Variants in NTN1 observed in about 807,000 individuals in gnomAD.
NTN1 encodes netrin 1.
NTN1 carries 11 observed loss-of-function variants against 54.2 expected under a neutral mutation model. The ratio of observed to expected loss-of-function variants is 0.20; its 90% CI spans 0.13 to 0.34. NTN1 has a LOEUF of 0.34. Ranked by LOEUF, NTN1 falls within the 10% of genes least tolerant of loss-of-function variation. The pLI is 1.00. For missense variants in NTN1, 740 were observed against 893.1 expected (o/e 0.83, Z 2.18); for synonymous variants, 371 against 382.0 (o/e 0.97, Z 0.33).
chr17:9,036,015 CTA>C (rs1256368858), intron 2 of NTN1, among the ~76,000 whole-genome samples: 1 of 146,450 alleles, frequency 6.8e-6, no homozygotes, highest in East Asian at 2.0e-4. Flanking sequence ...GAGCAAGGCT[CTA>C]TCTCAAAAAA....
chr17:9,182,271 C>A (rs1399093533), intron 4 of NTN1, among the ~76,000 whole-genome samples: 1 of 152,212 alleles, frequency 6.6e-6, no homozygotes, highest in African/African-American at 2.4e-5. Flanking sequence ...GATGTGAGCC[C>A]CTGCACCTGG....
intron 2 of NTN1, among the ~76,000 whole-genome samples, chr17:9,100,725 A>G (rs1389504496): frequency 2.6e-5 from 4 of 152,186 alleles, no homozygotes; most frequent in Non-Finnish European, 5.9e-5. Context: ...TTTAATGCAA[A>G]TCATTTTTTC....
intron 3 of NTN1, chr17:9,179,046 C>T (rs1031467350): frequency 6.6e-6 from 1 of 152,276 alleles, no homozygotes; most frequent in Non-Finnish European, 1.5e-5. Flanking sequence ...CTCTGTGGAG[C>T]CGTAGTTGCT....
At position 9,026,397 on chromosome 17, in the gene NTN1, G is replaced by GGC. The variant is rs796579941; in HGVS notation, c.1018+3007_1018+3008insCG. 3.2e-4 allele frequency among the ~76,000 whole-genome samples: 48 copies of GGC among 150,222 alleles called. 1 individual carries two copies. Among genetic ancestry groups the GGC allele is most frequent in the African/African-American group, 9.8e-4 (40 of 40,950 alleles). On this transcript the variant is annotated intron_variant, in intron 2 of 6. Transcript: ENST00000173229. ...TGCAGTTTTGGATTTCTTCCGGGGG[G>GGC]GGGGAACAAACAACCCTCAAAACAA...
At chr17:9,232,383 G>A (rs374298938) in intron 6 of NTN1, among the ~76,000 whole-genome samples, 1 of 152,212 alleles carries the variant, frequency 6.6e-6, no homozygotes, top group Non-Finnish European at 1.5e-5. Flanking sequence ...GAGCTGGACA[G>A]GCCAGGCCTG....
chr17:9,133,355 G>C (rs2092271474), intron 2 of NTN1, among the ~76,000 whole-genome samples: 1 of 152,218 alleles, frequency 6.6e-6, no homozygotes, highest in South Asian at 2.1e-4. Flanking sequence ...CTCGCCTAAG[G>C]GCTTGCCGAG....
At chr17:9,145,242 G>A (rs1010462707) in intron 2 of NTN1, among the ~76,000 whole-genome samples, 2 of 152,216 alleles carry the variant, frequency 1.3e-5, no homozygotes, top group African/African-American at 4.8e-5. Flanking sequence ...AATGTGGGGC[G>A]TTCACATGTG....
At chr17:9,174,613 A>G (rs1262855689) in intron 3 of NTN1, 1 of 152,052 alleles carries the variant, frequency 6.6e-6, no homozygotes, top group Non-Finnish European at 1.5e-5. Flanking sequence ...TTTCCACTGC[A>G]CTCATCTGTA....
intron 6 of NTN1, among the ~76,000 whole-genome samples, chr17:9,228,955 C>A (rs528214978): frequency 3.0e-4 from 42 of 142,136 alleles, no homozygotes; most frequent in African/African-American, 1.1e-3. Flanking sequence ...TGTGACTCTG[C>A]GTGTGTGATT....
At chr17:9,058,467 G>A (rs1407029560) in intron 2 of NTN1, among the ~76,000 whole-genome samples, 1 of 150,998 alleles carries the variant, frequency 6.6e-6, no homozygotes, top group Non-Finnish European at 1.5e-5. Flanking sequence ...TCTGTGTTCT[G>A]GCCCTAAGTG....
rs992718033 is a variant in NTN1 at position 9,135,818 on chromosome 17, C to G, written c.1019-26995C>G. Reference sequence around the variant, plus strand: ...GCATTGGAAGGGGCATTTAGGAGACCAGGGTTCTAGCCCTGAGTCCACCAT... The same window carrying G: ...GCATTGGAAGGGGCATTTAGGAGACGAGGGTTCTAGCCCTGAGTCCACCAT... On this transcript the variant is annotated intron_variant, in intron 2 of 6. Coordinates refer to ENST00000173229, the MANE Select transcript of NTN1 (RefSeq NM_004822.3). This position sits in a 1 kb window ranked among gnomAD's most constrained non-coding sequence, Gnocchi z 4.4. 1.3e-5 allele frequency among the ~76,000 whole-genome samples: 2 copies of G among 152,160 alleles called. No homozygotes were observed. The highest frequency in any genetic ancestry group is 4.8e-5 in the African/African-American group (2 of 41,420).
chr17:9,227,318 ACAC>A (rs781122631), intron 6 of NTN1, among the ~76,000 whole-genome samples: 17 of 135,352 alleles, frequency 1.3e-4, no homozygotes, highest in Admixed American at 5.2e-4. Context: ...AACACACCAC[ACAC>A]ATCAAACACA....
chr17:9,074,223 C>T (rs372836690), intron 2 of NTN1, among the ~76,000 whole-genome samples: 38 of 152,330 alleles, frequency 2.5e-4, no homozygotes, highest in East Asian at 2.3e-3. Flanking sequence ...TCCTGCAAGA[C>T]GGCGTGTAAG....
At chr17:9,013,281 A>G in the NTN1 span, among the ~76,000 whole-genome samples, 2 of 147,928 alleles carry the variant, frequency 1.4e-5, no homozygotes, top group African/African-American at 5.0e-5. Context: ...CAATGGTGCA[A>G]TCTCGGCTCA....
intron 6 of NTN1, among the ~76,000 whole-genome samples, chr17:9,235,738 CTTTTTTTTTTT>C (rs1905963916): frequency 1.8e-5 from 1 of 55,252 alleles, no homozygotes; most frequent in Non-Finnish European, 4.7e-5. Context: ...CTTCTTTCTT[CTTTTTTTTTTT>C]CTTTTTTTTT....
At chr17:9,082,488 A>G (rs1335953225) in intron 2 of NTN1, among the ~76,000 whole-genome samples, 2 of 152,218 alleles carry the variant, frequency 1.3e-5, no homozygotes, top group Admixed American at 6.5e-5. Flanking sequence ...TTGAGTTTTC[A>G]TAGAAACAAC....
At chr17:9,115,929 C>T (rs929569691) in intron 2 of NTN1, among the ~76,000 whole-genome samples, 5 of 152,244 alleles carry the variant, frequency 3.3e-5, no homozygotes, top group Admixed American at 2.6e-4. Flanking sequence ...ATTTTCCTCC[C>T]ATAAACAAAA....
intron 3 of NTN1, among the ~76,000 whole-genome samples, chr17:9,179,491 A>G (rs2092411575): frequency 6.6e-6 from 1 of 152,236 alleles, no homozygotes; most frequent in South Asian, 2.1e-4. Context: ...GATGAGGGCT[A>G]CGGGCTCTGC....
At chr17:9,146,518 C>G (rs2092313681) in intron 2 of NTN1, among the ~76,000 whole-genome samples, 1 of 152,148 alleles carries the variant, frequency 6.6e-6, no homozygotes, top group Non-Finnish European at 1.5e-5. Flanking sequence ...GTCCTCAGTC[C>G]TGAAACAAGC....
Sources: gnomAD v4.1 joint callset for allele counts (sites outside exome capture counted in the v4.1 genomes callset) on GRCh38, gnomAD v4.1.1 for gene constraint, Gnocchi (gnomAD v3.1) non-coding constraint, MANE v1.5 for transcripts, NCBI Gene and HGNC (gene_info 2026-07-23, HGNC 2026-07-21) for gene names.